PHLPP1: variants seen among roughly 807,000 people sequenced by gnomAD.
PHLPP1 encodes PH domain and leucine rich repeat protein phosphatase 1.
In PHLPP1, 42 loss-of-function variants were observed where a neutral mutation model predicts 117.2. That is an observed-to-expected ratio of 0.36 (90% CI 0.28 to 0.46). The LOEUF is 0.46. Among genes scored for constraint, PHLPP1 ranks in the 20% least tolerant of loss-of-function variants. PHLPP1 has a pLI of 1.00. For missense variants in PHLPP1, 2,084 were observed against 2,241.9 expected, an observed-to-expected ratio of 0.93 and a Z score of 1.42; for synonymous variants, 1,042 against 970.7, an observed-to-expected ratio of 1.07 and a Z score of -1.37.
At position 62,975,611 on chromosome 18, in the gene PHLPP1, G is replaced by T. The variant is rs1246001195; in HGVS notation, c.3970G>T (p.Ala1324Ser). The T allele has an allele frequency of 1.2e-6, 2 of 1,609,458 alleles. No homozygotes were observed. Among genetic ancestry groups the T allele is most frequent in the Non-Finnish European group, 1.7e-6 (2 of 1,175,876 alleles). The change falls in exon 16 of 17, where the codon GCC becomes TCC. Residue 1324 changes from alanine (A) to serine (S), a missense_variant. Physicochemically the swap from Ala to Ser is moderately conservative, Grantham distance 99. This residue lies in a region of PHLPP1 where 1,365 missense variants were observed against 1,605.9 expected (regional missense o/e 0.85). Transcript: ENST00000262719. ...EELKRIKQHKAIITEDGKVNG... is the reference protein window; with the variant it reads ...EELKRIKQHKSIITEDGKVNG... ...GCTGAAGAGGATTAAACAGCACAAG[G>T]CCATTATCACTGAGGTGAGAAAACA...
At chr18:62,890,804 T>C (rs148052816) in intron 4 of PHLPP1, among the ~76,000 whole-genome samples, 39 of 152,370 alleles carry the variant, frequency 2.6e-4, no homozygotes, top group African/African-American at 9.1e-4. Context: ...TCACGTGCTC[T>C]ATTATGTTGG....
intron 5 of PHLPP1, among the ~76,000 whole-genome samples, chr18:62,895,535 G>T (rs904712646): frequency 3.9e-5 from 6 of 152,128 alleles, no homozygotes; most frequent in Admixed American, 2.6e-4. Flanking sequence ...AGCTCACATT[G>T]CTCCCATTTA....
intron 10 of PHLPP1, among the ~76,000 whole-genome samples, chr18:62,934,621 G>T (rs1230087900): frequency 6.6e-6 from 1 of 152,128 alleles, no homozygotes; most frequent in Non-Finnish European, 1.5e-5. Flanking sequence ...CTATTTGGTG[G>T]TACCCAAATA....
intron 3 of PHLPP1, among the ~76,000 whole-genome samples, chr18:62,858,050 TA>T (rs1291336980): frequency 1.3e-5 from 2 of 152,218 alleles, no homozygotes; most frequent in African/African-American, 4.8e-5. Flanking sequence ...CATCTTTCTT[TA>T]TATGAGTGGT....
intron 3 of PHLPP1, among the ~76,000 whole-genome samples, chr18:62,847,417 T>C (rs1001369884): frequency 2.0e-5 from 3 of 152,342 alleles, no homozygotes; most frequent in Admixed American, 1.3e-4. Flanking sequence ...GGAAAATTTT[T>C]CCCAGGAAAC....
chr18:62,849,795 T>C (rs1915278167), intron 3 of PHLPP1, among the ~76,000 whole-genome samples: 1 of 16,502 alleles, frequency 6.1e-5, no homozygotes, highest in African/African-American at 2.1e-4. Flanking sequence ...GCCCTGTCTC[T>C]ACAAAAAAAA....
intron 6 of PHLPP1, among the ~76,000 whole-genome samples, chr18:62,896,998 A>G (rs1218841877): frequency 6.6e-6 from 1 of 152,198 alleles, no homozygotes; most frequent in African/African-American, 2.4e-5. Context: ...CAAGATAAGG[A>G]ACTCTAAACA....
intron 1 of PHLPP1, among the ~76,000 whole-genome samples, chr18:62,787,636 A>G (rs897055703): frequency 1.3e-5 from 2 of 152,160 alleles, no homozygotes; most frequent in Non-Finnish European, 2.9e-5. Flanking sequence ...TTCTGAACCT[A>G]TTTTGGTATT....
At chr18:62,787,092 A>T (rs1913311791) in intron 1 of PHLPP1, among the ~76,000 whole-genome samples, 1 of 152,050 alleles carries the variant, frequency 6.6e-6, no homozygotes, top group Non-Finnish European at 1.5e-5. Context: ...TGCAGGGAAA[A>T]AATTCAATTT....
chr18:62,750,345 ATCTC>A (rs141803461), intron 1 of PHLPP1, among the ~76,000 whole-genome samples: 2 of 150,450 alleles, frequency 1.3e-5, no homozygotes, highest in Non-Finnish European at 3.0e-5. Context: ...TCTAGTAATA[ATCTC>A]TCTCTCTCTC....
chr18:62,719,293 G>A (rs1419490965), intron 1 of PHLPP1, among the ~76,000 whole-genome samples: 1 of 152,160 alleles, frequency 6.6e-6, no homozygotes, highest in East Asian at 1.9e-4. Flanking sequence ...GCTTATTTTG[G>A]CTTTAAAGCA....
At chr18:62,872,049 C>T (rs1206099834) in intron 4 of PHLPP1, among the ~76,000 whole-genome samples, 3 of 152,154 alleles carry the variant, frequency 2.0e-5, no homozygotes, top group Non-Finnish European at 2.9e-5. Context: ...AAACTTTACC[C>T]GTACCCTCTA....
At chr18:62,737,989 A>G (rs141933994) in intron 1 of PHLPP1, among the ~76,000 whole-genome samples, 171 of 152,262 alleles carry the variant, frequency 1.1e-3, no homozygotes, top group African/African-American at 3.9e-3. Flanking sequence ...TGAGAAGGGT[A>G]TGTTCCAAGA....
In PHLPP1 at chr18:62,816,587, TA is replaced by T. The variant is rs199659296; in HGVS notation, c.1577-13439del. ...GTCTCAAAAAAATAAAAATAAATAA[TA>T]AAAAAAAAGAAGTTTGTTTATTTTT... On this transcript the variant is annotated intron_variant, in intron 1 of 16. Transcript: ENST00000262719. Among the ~76,000 whole-genome samples the T allele has an allele frequency of 3.9e-4, 59 of 151,204 alleles. No homozygotes were observed. The South Asian group carries it at 9.0e-3, about 23-fold the overall frequency.
intron 10 of PHLPP1, among the ~76,000 whole-genome samples, chr18:62,921,037 TA>T (rs1599121714): frequency 6.6e-6 from 1 of 152,214 alleles, no homozygotes; most frequent in East Asian, 1.9e-4. Context: ...GAAGCTCTGT[TA>T]TTTTGTTGTG....
chr18:62,802,611 C>G (rs374957402), intron 1 of PHLPP1, among the ~76,000 whole-genome samples: 22 of 152,132 alleles, frequency 1.4e-4, no homozygotes, highest in African/African-American at 5.1e-4. Flanking sequence ...AGGTACTTAA[C>G]AAGCACTTAA....
At chr18:62,785,562 G>A (rs1385219305) in intron 1 of PHLPP1, among the ~76,000 whole-genome samples, 1 of 152,100 alleles carries the variant, frequency 6.6e-6, no homozygotes, top group Non-Finnish European at 1.5e-5. Context: ...GAAGAAAATG[G>A]CATTAATATA....
At chr18:62,947,201 A>G (rs964977206) in intron 12 of PHLPP1, among the ~76,000 whole-genome samples, 1 of 152,246 alleles carries the variant, frequency 6.6e-6, no homozygotes, top group Non-Finnish European at 1.5e-5. Flanking sequence ...GTTTCCTCGT[A>G]TGTTAAAGAA....
intron 1 of PHLPP1, among the ~76,000 whole-genome samples, chr18:62,772,008 GTCT>G (rs746929341): frequency 1.6e-4 from 24 of 152,230 alleles, no homozygotes; most frequent in Middle Eastern, 3.4e-3. Flanking sequence ...TCTTTCTTCT[GTCT>G]TCTTCTCCTT....
Sources: gnomAD v4.1 joint callset for allele counts (sites outside exome capture counted in the v4.1 genomes callset) on GRCh38, gnomAD v4.1.1 for gene constraint, gnomAD v4.1.1 regional missense constraint, MANE v1.5 for transcripts, NCBI Gene and HGNC (gene_info 2026-07-23, HGNC 2026-07-21) for gene names.